DCAF6: variants seen among roughly 807,000 people sequenced by gnomAD.
The protein encoded by DCAF6 is DDB1 and CUL4 associated factor 6.
A neutral mutation model predicts 125.1 loss-of-function variants in DCAF6; 54 were observed. The ratio of observed to expected loss-of-function variants is 0.43; its 90% CI spans 0.35 to 0.54. The LOEUF is 0.54. Ranked by LOEUF, DCAF6 falls within the 20% of genes least tolerant of loss-of-function variation. DCAF6 has a pLI of 0.01. For missense variants in DCAF6, 934 were observed against 1,161.7 expected, an observed-to-expected ratio of 0.80 and a Z score of 2.85; for synonymous variants, 371 against 390.4, an observed-to-expected ratio of 0.95 and a Z score of 0.58.
intron 11 of DCAF6, among the ~76,000 whole-genome samples, chr1:168,020,811 T>TA (rs903027129): frequency 2.0e-5 from 3 of 152,082 alleles, no homozygotes; most frequent in African/African-American, 7.2e-5. Context: ...GAATAGTGGT[T>TA]AAAAAAACAT....
In DCAF6 at chr1:168,068,367, C is replaced by A. The variant is rs1048221901; in HGVS notation, c.2695C>A (p.Arg899=). Residue 899 remains arginine (R), a synonymous_variant, in exon 21 of 22, where the codon CGA becomes AGA. Transcript: ENST00000367840. The part of the protein sequence containing the change: ...NRKLADEVIT[R]NELMLEETRN... Reference sequence around the variant, plus strand: ...TTAACTTGCCTTGTAGGTTATAACTCGAAACGAACTCATGCTGGAAGAAAC... The same window carrying A: ...TTAACTTGCCTTGTAGGTTATAACTAGAAACGAACTCATGCTGGAAGAAAC... 1 of 1,604,650 alleles carries A rather than the reference C, an allele frequency of 6.2e-7. No homozygotes were observed.
chr1:167,951,638 G>C (rs1417230113), intron 1 of DCAF6, among the ~76,000 whole-genome samples, 162 bp from the exon 2 acceptor site: 1 of 152,126 alleles, frequency 6.6e-6, no homozygotes, highest in Non-Finnish European at 1.5e-5. Context: ...CTAAGTCTTA[G>C]GCGGAGGTTA....
rs1671284338 is a variant in DCAF6, at chr1:167,936,755, C to T, written c.-157C>T. On this transcript the variant is annotated 5_prime_UTR_variant, in exon 1 of 22. Coordinates refer to ENST00000367840, the MANE Select transcript of DCAF6 (RefSeq NM_001198956.2). ...CCGGGTGCGGCCGGGCTTCAGGGGC[C>T]CAGGCGCCGCTGCTGCCACCGCCAT... 4.7e-6 allele frequency: 3 copies of T among 640,816 alleles called. No individual in the cohort carries two copies. Among genetic ancestry groups the T allele is most frequent in the African/African-American group, 1.9e-5 (1 of 52,672 alleles). 39.7% of individuals were successfully genotyped at this position (640,816 alleles called of 1,614,324 possible).
chr1:168,018,598 C>T (rs1162687788), intron 11 of DCAF6, among the ~76,000 whole-genome samples: 1 of 152,062 alleles, frequency 6.6e-6, no homozygotes, highest in Non-Finnish European at 1.5e-5. Flanking sequence ...TTCTTTAGAA[C>T]TAATTTCCAA....
intron 12 of DCAF6, among the ~76,000 whole-genome samples, chr1:168,026,294 AT>A (rs1267841187): frequency 2.6e-5 from 4 of 152,214 alleles, no homozygotes; most frequent in Admixed American, 6.5e-5. Context: ...GGTAAATAAT[AT>A]TCGTTAAACG....
At chr1:168,010,175 C>T (rs1684084284) in intron 10 of DCAF6, among the ~76,000 whole-genome samples, 1 of 152,044 alleles carries the variant, frequency 6.6e-6, no homozygotes, top group Non-Finnish European at 1.5e-5. Context: ...CTGTCTAGAC[C>T]ACATAGGACT....
chr1:167,937,006 T>A lies in DCAF6; in HGVS notation c.95T>A (p.Leu32Gln). Residue 32 changes from leucine (L) to glutamine (Q), a missense_variant and splice_region_variant, in exon 1 of 22, where the codon CTG (leucine) becomes CAG (glutamine). By Grantham distance (113) the Leu-to-Gln change is moderately radical (BLOSUM62 -2). Coordinates refer to ENST00000367840, the MANE Select transcript of DCAF6 (RefSeq NM_001198956.2). Reference protein sequence around the residue: ...EDPSRLRSRYLGRREFIQRLK... With the variant: ...EDPSRLRSRYQGRREFIQRLK... ...CCGTCCCGGCTGCGGAGTCGCTACC[T>A]GGGTGAGCGGGGGCCCCGGGGCGGA... 6.2e-7 allele frequency: 1 copy of A among 1,608,032 alleles called. No homozygotes were observed. Among genetic ancestry groups the A allele is most frequent in the South Asian group, 1.1e-5 (1 of 89,830 alleles).
chr1:167,916,642 A>C, the DCAF6 span: 1 of 152,222 alleles, frequency 6.6e-6, no homozygotes, highest in Non-Finnish European at 1.5e-5. Flanking sequence ...ATTGTATCTA[A>C]ATGCTACAAC....
At chr1:167,914,328 A>G in the DCAF6 span, 1 of 152,096 alleles carries the variant, frequency 6.6e-6, no homozygotes, top group Admixed American at 6.6e-5. Context: ...GACTGACATG[A>G]CCCCAGAGTA....
Position 168,014,885 on chromosome 1 carries a change from C to A in DCAF6, c.1379-896C>A, listed in dbSNP as rs115361097. ...TATGAGAGAAGCTTTCCTGAGTTGC[C>A]ATATATAAAATAACCCTTGCCCTGT... On this transcript the variant is annotated intron_variant, in intron 10 of 21. Transcript: ENST00000367840. 3.9e-3 allele frequency among the ~76,000 whole-genome samples: 596 copies of A among 152,238 alleles called. 4 individuals are homozygous for A. The highest frequency in any genetic ancestry group is 0.014 in the African/African-American group (576 of 41,546).
In DCAF6 at chr1:167,964,629, A is replaced by G. The variant is rs374089917; in HGVS notation, c.160-2000A>G. On this transcript the variant is annotated intron_variant, in intron 2 of 21. Transcript: ENST00000367840. The stretch of plus-strand genomic sequence containing the variant: ...ATTATCAGTCATTATTATTTCAGAT[A>G]TTCTGTTCTTTTCTCCTTCTCCTCT... 1.4e-4 allele frequency among the ~76,000 whole-genome samples: 21 copies of G among 152,234 alleles called. 1 individual carries two copies. The highest frequency in any genetic ancestry group is 9.6e-4 in the East Asian group (5 of 5,188).
chr1:167,899,189 A>G, the DCAF6 span, among the ~76,000 whole-genome samples: 1 of 152,076 alleles, frequency 6.6e-6, no homozygotes, highest in Non-Finnish European at 1.5e-5. Context: ...CCCAAATTCC[A>G]TATCCTCAGT....
At chr1:167,904,032 G>A in the DCAF6 span, 1 of 1,364,224 alleles carries the variant, frequency 7.3e-7, no homozygotes, top group Non-Finnish European at 1.0e-6. Flanking sequence ...CTGCTTGGGG[G>A]AATCAAACAG....
the DCAF6 span, among the ~76,000 whole-genome samples, chr1:167,876,394 G>T: frequency 1.3e-5 from 2 of 152,148 alleles, no homozygotes; most frequent in African/African-American, 4.8e-5. Context: ...ATAGGCCAGG[G>T]TGCATATGTT....
chr1:167,883,364 C>T, the DCAF6 span: 1 of 1,533,556 alleles, frequency 6.5e-7, no homozygotes, highest in Non-Finnish European at 9.0e-7. Flanking sequence ...TGTGTCTATT[C>T]TCACCAATGT....
the DCAF6 span, among the ~76,000 whole-genome samples, chr1:167,921,032 C>CAAATT: frequency 6.6e-6 from 1 of 151,998 alleles, no homozygotes; most frequent in Non-Finnish European, 1.5e-5. Flanking sequence ...CTGTTAAGGT[C>CAAATT]ATTTGTATAG....
chr1:168,006,216 A>G (rs1388956719), intron 10 of DCAF6, among the ~76,000 whole-genome samples: 1 of 152,130 alleles, frequency 6.6e-6, no homozygotes, highest in Non-Finnish European at 1.5e-5. Context: ...TGCATTTCAA[A>G]TTGCTAAATT....
chr1:167,880,513 A>G, the DCAF6 span: 13 of 1,614,036 alleles, frequency 8.1e-6, no homozygotes, highest in Non-Finnish European at 1.0e-5. Flanking sequence ...ACTTGAGAGC[A>G]GAAGTCAAAT....
chr1:168,011,010 G>A (rs1684200531), intron 10 of DCAF6, among the ~76,000 whole-genome samples: 1 of 151,336 alleles, frequency 6.6e-6, no homozygotes, highest in African/African-American at 2.4e-5. Context: ...GGGGATATCA[G>A]TATATATAAA....
Sources: gnomAD v4.1 joint callset for allele counts (sites outside exome capture counted in the v4.1 genomes callset) on GRCh38, gnomAD v4.1.1 for gene constraint, MANE v1.5 for transcripts, NCBI Gene and HGNC (gene_info 2026-07-23, HGNC 2026-07-21) for gene names.